The following PRELID2 variants were observed in gnomAD, a reference collection of about 807,000 sequenced individuals.
PRELID2 encodes PRELI domain-containing protein 2.
PRELID2 carries 25 observed loss-of-function variants against 28.4 expected under a neutral mutation model. That is an observed-to-expected ratio of 0.88 (90% CI 0.64 to 1.23). The LOEUF (loss-of-function observed/expected upper bound fraction) is 1.23, where lower values mean the gene tolerates loss of function less well. PRELID2 is among the 50% of genes most tolerant of loss of function. The probability of loss-of-function intolerance (pLI) is 0.00; values close to 1 mark genes in which losing one functional copy is unlikely to be tolerated. For missense variants in PRELID2, 201 were observed against 214.4 expected, an observed-to-expected ratio of 0.94 and a Z score of 0.39; for synonymous variants, 76 against 71.6, an observed-to-expected ratio of 1.06 and a Z score of -0.31.
chr5:145,683,261 G>C (rs1256220435), intron 1 of PRELID2, among the ~76,000 whole-genome samples: 1 of 152,230 alleles, frequency 6.6e-6, no homozygotes, highest in East Asian at 1.9e-4. Flanking sequence ...ATAATACCTA[G>C]ATAGTGACTA....
the PRELID2 span, among the ~76,000 whole-genome samples, chr5:145,266,690 T>C: frequency 1.0e-3 from 152 of 152,274 alleles, no homozygotes; most frequent in Non-Finnish European, 2.0e-3. Context: ...CACTCCTGGG[T>C]ATCTACTCAG....
chr5:145,481,650 A>AAAAAG (rs1752162758), intron 1 of PRELID2, among the ~76,000 whole-genome samples: 1 of 117,896 alleles, frequency 8.5e-6, no homozygotes, highest in Non-Finnish European at 1.8e-5. Flanking sequence ...AAAAAAAAAA[A>AAAAAG]AAAGAAAGAA....
At chr5:145,718,601 A>C (rs1755903080) in intron 1 of PRELID2, among the ~76,000 whole-genome samples, 1 of 151,952 alleles carries the variant, frequency 6.6e-6, no homozygotes, top group Non-Finnish European at 1.5e-5. Flanking sequence ...TAGCTAAGTA[A>C]ACCATAAAAC....
intron 1 of PRELID2, among the ~76,000 whole-genome samples, chr5:145,544,589 CCTTT>C (rs1752770330): frequency 1.3e-5 from 2 of 152,016 alleles, no homozygotes; most frequent in African/African-American, 4.8e-5. Flanking sequence ...TTACTGCCAC[CCTTT>C]TGAGAAGTGT....
chr5:145,292,875 T>A, the PRELID2 span, among the ~76,000 whole-genome samples: 2 of 151,414 alleles, frequency 1.3e-5, no homozygotes, highest in South Asian at 4.2e-4. Flanking sequence ...ACCATGCTAA[T>A]TTTTTTTATT....
chr5:145,727,972 TC>T (rs1419906497), intron 1 of PRELID2, among the ~76,000 whole-genome samples: 2 of 152,192 alleles, frequency 1.3e-5, no homozygotes, highest in African/African-American at 4.8e-5. Flanking sequence ...AGCATTTTTA[TC>T]CTTACCTCCC....
intron 1 of PRELID2, among the ~76,000 whole-genome samples, chr5:145,650,054 A>C (rs1348543675): frequency 6.6e-6 from 1 of 152,214 alleles, no homozygotes; most frequent in Non-Finnish European, 1.5e-5. Context: ...ATATTGATCC[A>C]ATCACACAGT....
chr5:145,668,563 G>T (rs953877286), intron 1 of PRELID2, among the ~76,000 whole-genome samples: 3 of 151,888 alleles, frequency 2.0e-5, no homozygotes, highest in South Asian at 4.1e-4. Flanking sequence ...ATATGAGAAA[G>T]AATTATTATT....
At chr5:145,701,071 C>T (rs1024397346) in intron 1 of PRELID2, among the ~76,000 whole-genome samples, 2 of 152,122 alleles carry the variant, frequency 1.3e-5, no homozygotes, top group African/African-American at 2.4e-5. Flanking sequence ...GGCCAGTGGC[C>T]GAAGGCTTCA....
At chr5:145,661,240 T>C (rs748706688) in intron 1 of PRELID2, among the ~76,000 whole-genome samples, 2 of 152,174 alleles carry the variant, frequency 1.3e-5, no homozygotes, top group Non-Finnish European at 2.9e-5. Context: ...TGCCTTAACT[T>C]TGACTTTCAT....
chr5:145,550,780 T>G (rs1466360566), intron 1 of PRELID2, among the ~76,000 whole-genome samples: 1 of 152,222 alleles, frequency 6.6e-6, no homozygotes. Context: ...TGTTTTCCGT[T>G]GTAGAGCCAT....
At chr5:145,790,133 T>G (rs1178029018) in intron 5 of PRELID2, among the ~76,000 whole-genome samples, 1 of 152,186 alleles carries the variant, frequency 6.6e-6, no homozygotes, top group African/African-American at 2.4e-5. Flanking sequence ...GATCCAGCAA[T>G]CCCACTTCTG....
intron 1 of PRELID2, among the ~76,000 whole-genome samples, chr5:145,545,032 A>G (rs1752774456): frequency 6.6e-6 from 1 of 152,174 alleles, no homozygotes; most frequent in East Asian, 1.9e-4. Context: ...TTTGAGGCCA[A>G]TGAATTCATA....
At chr5:145,313,793 C>A in the PRELID2 span, among the ~76,000 whole-genome samples, 3 of 152,130 alleles carry the variant, frequency 2.0e-5, no homozygotes, top group Non-Finnish European at 2.9e-5. Flanking sequence ...TCACAGTTTA[C>A]AAACTGAGAA....
chr5:145,306,000 A>C, the PRELID2 span, among the ~76,000 whole-genome samples: 1 of 152,166 alleles, frequency 6.6e-6, no homozygotes, highest in Non-Finnish European at 1.5e-5. Flanking sequence ...TGAACTTGCT[A>C]AAGCCTTCTT....
At chr5:145,785,642 G>A (rs570888517) in intron 5 of PRELID2, among the ~76,000 whole-genome samples, 12 of 152,268 alleles carry the variant, frequency 7.9e-5, no homozygotes, top group African/African-American at 2.9e-4. Flanking sequence ...TGTTAAAATT[G>A]CAAATTTTCA....
intron 1 of PRELID2, among the ~76,000 whole-genome samples, chr5:145,588,126 C>A (rs907070940): frequency 1.3e-5 from 2 of 152,156 alleles, no homozygotes; most frequent in African/African-American, 4.8e-5. Context: ...ACTCCCCTAA[C>A]GAACATCACT....
chr5:145,624,869 G>A (rs769030065), intron 1 of PRELID2, among the ~76,000 whole-genome samples: 68 of 152,144 alleles, frequency 4.5e-4, no homozygotes, highest in Admixed American at 1.1e-3. Flanking sequence ...TATCCAAAGA[G>A]CTCCTATAAA....
chr5:145,833,705 G>A (rs1384147580), intron 1 of PRELID2, among the ~76,000 whole-genome samples: 1 of 152,128 alleles, frequency 6.6e-6, no homozygotes, highest in Non-Finnish European at 1.5e-5. Context: ...CTCCTCTAAC[G>A]GAGGCTACAC....
Sources: gnomAD v4.1 joint callset for allele counts (sites outside exome capture counted in the v4.1 genomes callset) on GRCh38, gnomAD v4.1.1 for gene constraint, MANE v1.5 for transcripts, NCBI Gene and HGNC (gene_info 2026-07-23, HGNC 2026-07-21) for gene names.